Variants in ARFGEF2 observed in about 807,000 individuals in gnomAD.
The protein encoded by ARFGEF2 is ARF guanine nucleotide exchange factor 2, also known as brefeldin A-inhibited guanine nucleotide-exchange protein 2.
In ARFGEF2, 74 loss-of-function variants were observed where a neutral mutation model predicts 219.9. That is an observed-to-expected ratio of 0.34 (90% CI 0.28 to 0.41). The LOEUF (loss-of-function observed/expected upper bound fraction) is 0.41. ARFGEF2 is among the 10% of genes least tolerant of loss of function. The pLI is 1.00. For synonymous variants in ARFGEF2, 733 were observed against 799.2 expected (o/e 0.92, Z 1.40); for missense variants, 1,743 against 2,218.3 (o/e 0.79, Z 4.30).
In ARFGEF2 at chr20:48,973,127, T is replaced by C. The variant is rs751870989; in HGVS notation, c.1526-18T>C. ...CTATTTGATCAGAATTTCTGATACTTGTATGTTATTTTCCAAGATGCCCAG... is the reference window on the plus strand; with the variant it reads ...CTATTTGATCAGAATTTCTGATACTCGTATGTTATTTTCCAAGATGCCCAG... On this transcript the variant is annotated intron_variant, in intron 11 of 38. Transcript: ENST00000371917. 7.4e-6 allele frequency: 12 copies of C among 1,613,912 alleles called. 1 individual carries two copies. In the South Asian group the frequency reaches 1.3e-4, roughly 18 times the overall value.
At chr20:49,014,684 G>A (rs1004869306) in intron 30 of ARFGEF2, among the ~76,000 whole-genome samples, 2 of 152,156 alleles carry the variant, frequency 1.3e-5, no homozygotes, top group Non-Finnish European at 2.9e-5. Context: ...CCAGCATTTT[G>A]GGAAGGTGAG....
chr20:48,924,362 A>T (rs2090862750), intron 1 of ARFGEF2, among the ~76,000 whole-genome samples: 1 of 152,150 alleles, frequency 6.6e-6, no homozygotes, highest in South Asian at 2.1e-4. Context: ...AACAAAAAAA[A>T]TTAGCTGGGC....
chr20:48,922,079 G>T, intron 1 of ARFGEF2, 69 bp downstream of exon 1: 1 of 1,517,394 alleles, frequency 6.6e-7, no homozygotes. Context: ...ATCCTACTCG[G>T]CCTTGGCCCG....
At chr20:48,985,131 G>A (rs1027034139) in intron 15 of ARFGEF2, among the ~76,000 whole-genome samples, 1 of 151,686 alleles carries the variant, frequency 6.6e-6, no homozygotes, top group Non-Finnish European at 1.5e-5. Flanking sequence ...AAGTTCTTAC[G>A]GCTGCCTGTC....
chr20:48,946,884 C>T (rs1306131960), intron 3 of ARFGEF2, among the ~76,000 whole-genome samples: 2 of 151,974 alleles, frequency 1.3e-5, no homozygotes, highest in Non-Finnish European at 2.9e-5. Context: ...TCACTGCAGC[C>T]TCAAACTCCT....
intron 37 of ARFGEF2, 29 bp downstream of exon 37, chr20:49,028,697 C>G (rs1458143366): frequency 1.2e-6 from 2 of 1,604,374 alleles, no homozygotes; most frequent in Admixed American, 3.4e-5. Flanking sequence ...GATTAGATTT[C>G]TATCTGCTAT....
chr20:48,953,877 T>C, intron 6 of ARFGEF2, 87 bp downstream of exon 6: 1 of 1,287,612 alleles, frequency 7.8e-7, no homozygotes, highest in Non-Finnish European at 1.1e-6. Context: ...TCATAACATC[T>C]GAAGGAAACC....
chr20:49,024,737 C>T (rs1248975493), intron 35 of ARFGEF2, among the ~76,000 whole-genome samples: 2 of 152,138 alleles, frequency 1.3e-5, no homozygotes, highest in African/African-American at 2.4e-5. Flanking sequence ...CAGTGGCTCA[C>T]GCCTGTAATC....
rs913132458 is a variant in ARFGEF2 at position 49,008,517 on chromosome 20, C to T, written c.3585-1715C>T. Among the ~76,000 whole-genome samples the T allele has an allele frequency of 4.0e-5, 6 of 151,200 alleles. 1 individual carries two copies. The highest frequency in any genetic ancestry group is 2.4e-5 in the African/African-American group (1 of 41,128). Reference sequence around the variant, plus strand: ...GGTGGAGGTTGCAGTGAGCCAAGATCGCACCACTGCACTCCAGCCTGAATG... The same window carrying T: ...GGTGGAGGTTGCAGTGAGCCAAGATTGCACCACTGCACTCCAGCCTGAATG... On this transcript the variant is annotated intron_variant, in intron 26 of 38. Coordinates refer to ENST00000371917, the MANE Select transcript of ARFGEF2 (RefSeq NM_006420.3).
chr20:49,020,571 G>C (rs954622281), intron 34 of ARFGEF2, among the ~76,000 whole-genome samples: 1 of 152,082 alleles, frequency 6.6e-6, no homozygotes, highest in African/African-American at 2.4e-5. Context: ...TCAGGCTCCT[G>C]AGTAGCTGGG....
chr20:48,922,103 C>G, intron 1 of ARFGEF2, 93 bp downstream of exon 1: 1 of 1,479,296 alleles, frequency 6.8e-7, no homozygotes, highest in Non-Finnish European at 9.0e-7. Context: ...TCCTGGCCTC[C>G]GCTTCCCCCC....
intron 1 of ARFGEF2, among the ~76,000 whole-genome samples, chr20:48,938,962 T>C (rs1014400074): frequency 6.6e-6 from 1 of 151,652 alleles, no homozygotes; most frequent in Non-Finnish European, 1.5e-5. Context: ...TGGTTTGTTT[T>C]ATGGGTTTTT....
chr20:48,944,979 A>T (rs926105461), intron 3 of ARFGEF2, among the ~76,000 whole-genome samples: 1 of 152,198 alleles, frequency 6.6e-6, no homozygotes, highest in African/African-American at 2.4e-5. Context: ...AAAGCTAGGC[A>T]GTATAAGATC....
Position 48,974,626 on chromosome 20 carries a change from T to C in ARFGEF2, c.1666-140T>C, listed in dbSNP as rs139723725. ...TCCTTGATACTTGTCACTTCTTAGCTCTGGGTTTGTTTCATTCTTAATAGC... is the reference window on the plus strand; with the variant it reads ...TCCTTGATACTTGTCACTTCTTAGCCCTGGGTTTGTTTCATTCTTAATAGC... On this transcript the variant is annotated intron_variant, in intron 12 of 38. Transcript: ENST00000371917. 3.8e-4 allele frequency: 265 copies of C among 696,160 alleles called. 1 individual carries two copies. In the East Asian group the frequency reaches 7.1e-3, roughly 19 times the overall value. The allele number at this position is 696,160 out of a possible 1,614,324, so 43.1% of individuals were successfully genotyped here. A position where few individuals can be genotyped will look rare whatever the true frequency, so the allele number is the denominator to read the frequency against.
rs1301662843 is a variant in ARFGEF2, at chr20:48,921,725, C to T, written c.-165C>T. Among the ~76,000 whole-genome samples the T allele has an allele frequency of 6.6e-6, 1 of 152,078 alleles. No homozygotes were observed. The highest frequency in any genetic ancestry group is 1.5e-5 in the Non-Finnish European group (1 of 67,962). On this transcript the variant is annotated 5_prime_UTR_variant, in exon 1 of 39. The change creates a new upstream start codon in the 5' untranslated region. Coordinates refer to ENST00000371917, the MANE Select transcript of ARFGEF2 (RefSeq NM_006420.3). ...CCTCGCCAGTCACGTGGTCACGTGACGCGCTCCAACATGGCGGCGCCGTGG... is the reference window on the plus strand; with the variant it reads ...CCTCGCCAGTCACGTGGTCACGTGATGCGCTCCAACATGGCGGCGCCGTGG...
intron 14 of ARFGEF2, among the ~76,000 whole-genome samples, chr20:48,978,978 C>T (rs2091279111): frequency 6.6e-6 from 1 of 152,084 alleles, no homozygotes; most frequent in Admixed American, 6.6e-5. Context: ...TTTCTCTTGC[C>T]TGATTGCCCT....
At position 49,014,061 on chromosome 20, in the gene ARFGEF2, T is replaced by A. The variant is rs2091516695; in HGVS notation, c.4179+101T>A. Reference sequence around the variant, plus strand: ...CTGCATCATCGTCTACCCAGAGTTCTTAAATACTGAGCAACTTAAGGTTTT... The same window carrying A: ...CTGCATCATCGTCTACCCAGAGTTCATAAATACTGAGCAACTTAAGGTTTT... On this transcript the variant is annotated intron_variant, in intron 30 of 38. Coordinates refer to ENST00000371917, the MANE Select transcript of ARFGEF2 (RefSeq NM_006420.3). 4.0e-6 allele frequency: 6 copies of A among 1,492,674 alleles called. No individual in the cohort carries two copies. In the South Asian group the frequency reaches 6.8e-5, roughly 17 times the overall value. 92.5% of individuals were successfully genotyped at this position (1,492,674 alleles called of 1,614,324 possible). A position where few individuals can be genotyped will look rare whatever the true frequency, so the allele number is the denominator to read the frequency against.
At chr20:48,961,850 T>G (rs1600613532) in intron 6 of ARFGEF2, among the ~76,000 whole-genome samples, 3 of 131,058 alleles carry the variant, frequency 2.3e-5, no homozygotes, top group Admixed American at 8.1e-5. Context: ...GGCAACAGAG[T>G]GAGACTCTCT....
chr20:49,003,334 G>A (rs936399427), intron 25 of ARFGEF2, among the ~76,000 whole-genome samples: 2 of 151,818 alleles, frequency 1.3e-5, no homozygotes, highest in Admixed American at 1.3e-4. Context: ...GCCGGGCACG[G>A]TGGCTCATGC....
Sources: allele counts gnomAD v4.1 joint callset (sites outside exome capture counted in the v4.1 genomes callset), GRCh38; gene constraint gnomAD v4.1.1; transcripts MANE v1.5; gene names NCBI Gene and HGNC (gene_info 2026-07-23, HGNC 2026-07-21).